Variants in EYS observed in about 807,000 individuals in gnomAD.
EYS encodes the protein protein eyes shut homolog.
A neutral mutation model predicts 282.1 loss-of-function variants in EYS; 250 were observed. That is an observed-to-expected ratio of 0.89 (90% CI 0.80 to 0.98). The LOEUF (loss-of-function observed/expected upper bound fraction) is 0.98, where lower values mean the gene tolerates loss of function less well. EYS is among the 50% of genes least tolerant of loss of function. The pLI is 0.00. For synonymous variants in EYS, 1,355 were observed against 1,282.9 expected, an observed-to-expected ratio of 1.06 and a Z score of -1.20; for missense variants, 4,016 against 3,709.0, an observed-to-expected ratio of 1.08 and a Z score of -2.15.
chr6:63,888,451 C>T (rs1460406825), intron 35 of EYS, among the ~76,000 whole-genome samples: 2 of 152,248 alleles, frequency 1.3e-5, no homozygotes, highest in Non-Finnish European at 2.9e-5. Context: ...GATCAGGCAG[C>T]AATCTTTGCT....
chr6:64,540,538 A>C (rs146538377), intron 26 of EYS, among the ~76,000 whole-genome samples: 1 of 131,614 alleles, frequency 7.6e-6, no homozygotes, highest in East Asian at 2.2e-4. Context: ...GCTGGAGTGC[A>C]GTGACACAAT....
chr6:64,760,448 G>T (rs922652388), intron 22 of EYS, among the ~76,000 whole-genome samples: 1 of 152,146 alleles, frequency 6.6e-6, no homozygotes, highest in Non-Finnish European at 1.5e-5. Context: ...CTGATGTAAC[G>T]CTGCCATAGA....
chr6:64,068,091 T>A (rs796198315), intron 32 of EYS, among the ~76,000 whole-genome samples: 1 of 152,280 alleles, frequency 6.6e-6, no homozygotes, highest in South Asian at 2.1e-4. Flanking sequence ...TAATTGTTTA[T>A]ATTTAACACT....
chr6:65,248,509 A>G (rs1320165369), intron 12 of EYS, among the ~76,000 whole-genome samples: 1 of 152,082 alleles, frequency 6.6e-6, no homozygotes, highest in African/African-American at 2.4e-5. Context: ...AGTGATCAGC[A>G]ATGTGTGCAA....
At position 64,045,762 on chromosome 6, in the gene EYS, A is replaced by G. The variant is rs181994630; in HGVS notation, c.6725+20576T>C. Among the ~76,000 whole-genome samples the G allele has an allele frequency of 4.8e-4, 73 of 151,232 alleles. No individual in the cohort carries two copies. The East Asian group carries it at 0.014, about 28-fold the overall frequency. ...ATGCTTGGCCTGAAACAAATTATTA[A>G]CAACTGTTAAATATTATGCAATATG... is the stretch of plus-strand genomic sequence containing the variant. On this transcript the variant is annotated intron_variant, in intron 33 of 42. Transcript: ENST00000503581.
intron 31 of EYS, among the ~76,000 whole-genome samples, chr6:64,086,527 C>A (rs978217300): frequency 2.6e-5 from 4 of 152,134 alleles, no homozygotes; most frequent in Admixed American, 1.3e-4. Flanking sequence ...AACCAACTTT[C>A]TTTTGTTTCT....
intron 41 of EYS, among the ~76,000 whole-genome samples, chr6:63,735,243 C>G (rs894598472): frequency 1.3e-5 from 2 of 151,994 alleles, no homozygotes; most frequent in African/African-American, 4.8e-5. Flanking sequence ...TTTAAAAAAT[C>G]ATTTTGTGCA....
At chr6:64,432,183 A>G (rs1774593987) in intron 28 of EYS, among the ~76,000 whole-genome samples, 3 of 152,130 alleles carry the variant, frequency 2.0e-5, no homozygotes, top group South Asian at 4.1e-4. Flanking sequence ...GGCCAAACCA[A>G]TAAATTCTCC....
intron 5 of EYS, among the ~76,000 whole-genome samples, chr6:65,474,710 C>A (rs528835553): frequency 6.6e-6 from 1 of 152,146 alleles, no homozygotes; most frequent in East Asian, 1.9e-4. Flanking sequence ...ATGATCAGAG[C>A]AAAATCAAAA....
At chr6:64,678,122 T>C (rs1377538829) in intron 22 of EYS, among the ~76,000 whole-genome samples, 1 of 152,216 alleles carries the variant, frequency 6.6e-6, no homozygotes, top group African/African-American at 2.4e-5. Context: ...CCATTCAGGC[T>C]GGCTCCTGTG....
intron 24 of EYS, among the ~76,000 whole-genome samples, chr6:64,601,130 G>T (rs1766747590): frequency 6.6e-6 from 1 of 151,670 alleles, no homozygotes; most frequent in Non-Finnish European, 1.5e-5. Context: ...TCTCTTTGTA[G>T]CCTCTAGTTT....
intron 35 of EYS, among the ~76,000 whole-genome samples, chr6:63,952,358 A>T (rs1418869048): frequency 6.6e-6 from 1 of 152,200 alleles, no homozygotes; most frequent in African/African-American, 2.4e-5. Flanking sequence ...CTGAAGACTG[A>T]TGCTGCCCAA....
At chr6:64,000,340 C>T (rs112873527) in intron 33 of EYS, among the ~76,000 whole-genome samples, 8,676 of 150,554 alleles carry the variant, frequency 0.058, 705 homozygotes, top group African/African-American at 0.18. Flanking sequence ...TACAGGCGCC[C>T]GCCACCACGC....
intron 12 of EYS, among the ~76,000 whole-genome samples, chr6:65,199,761 C>A (rs1339400616): frequency 1.3e-5 from 2 of 151,930 alleles, no homozygotes; most frequent in Admixed American, 6.6e-5. Flanking sequence ...ATAGCAGAAA[C>A]AAGAGCATAA....
intron 14 of EYS, among the ~76,000 whole-genome samples, chr6:64,967,078 A>T (rs1770118783): frequency 6.6e-6 from 1 of 152,196 alleles, no homozygotes; most frequent in South Asian, 2.1e-4. Flanking sequence ...TTTCTAATCA[A>T]CTACCACTAC....
chr6:63,847,952 T>A (rs1197651251), intron 36 of EYS, among the ~76,000 whole-genome samples: 1 of 152,216 alleles, frequency 6.6e-6, no homozygotes, highest in African/African-American at 2.4e-5. Context: ...TCAAGTCATT[T>A]GACTCATTGG....
chr6:64,721,413 T>G (rs2149943448), intron 22 of EYS, among the ~76,000 whole-genome samples: 1 of 152,200 alleles, frequency 6.6e-6, no homozygotes, highest in Non-Finnish European at 1.5e-5. Context: ...CTCAAGAGTA[T>G]TTCAAGAAAA....
chr6:65,306,888 T>G (rs1404903371), intron 11 of EYS, among the ~76,000 whole-genome samples: 12 of 134,544 alleles, frequency 8.9e-5, no homozygotes, highest in African/African-American at 3.2e-4. Context: ...GTAGTCTTCC[T>G]CTGGAAAGCC....
intron 19 of EYS, among the ~76,000 whole-genome samples, chr6:64,831,831 G>C (rs1228836456): frequency 6.6e-6 from 1 of 151,842 alleles, no homozygotes; most frequent in African/African-American, 2.4e-5. Flanking sequence ...TCACAAAATT[G>C]CTAAGACAAG....
Sources: gnomAD v4.1 joint callset for allele counts (sites outside exome capture counted in the v4.1 genomes callset) on GRCh38, gnomAD v4.1.1 for gene constraint, MANE v1.5 for transcripts, NCBI Gene and HGNC (gene_info 2026-07-23, HGNC 2026-07-21) for gene names.